LSM14A: variants seen among roughly 807,000 people sequenced by gnomAD.
The protein encoded by LSM14A is protein LSM14 homolog A.
LSM14A carries 14 observed loss-of-function variants against 52.4 expected under a neutral mutation model. That is an observed-to-expected ratio of 0.27 (90% CI 0.18 to 0.42). The LOEUF is 0.42. LSM14A is among the 10% of genes least tolerant of loss of function. The pLI, the probability that LSM14A is intolerant of heterozygous loss-of-function variation, is 1.00. For synonymous variants in LSM14A, 185 were observed against 200.3 expected (o/e 0.92, Z 0.64); for missense variants, 417 against 581.8 (o/e 0.72, Z 2.91).
intron 2 of LSM14A, among the ~76,000 whole-genome samples, chr19:34,196,430 A>G (rs188709440): frequency 3.9e-5 from 6 of 152,226 alleles, no homozygotes; most frequent in Non-Finnish European, 8.8e-5. Flanking sequence ...TGTAAGTCAC[A>G]TTGAGTATAA....
chr19:34,192,316 G>GTTGTTTTTTTTTTT (rs2070446511), intron 1 of LSM14A, among the ~76,000 whole-genome samples: 4 of 65,820 alleles, frequency 6.1e-5, no homozygotes, highest in African/African-American at 1.7e-4. Context: ...CATTCTTTTT[G>GTTGTTTTTTTTTTT]TTGTTTTTTT....
chr19:34,190,536 C>T (rs1407176846), intron 1 of LSM14A, among the ~76,000 whole-genome samples: 1 of 148,462 alleles, frequency 6.7e-6, no homozygotes, highest in African/African-American at 2.5e-5. Context: ...TATCAACTAG[C>T]CAAAAAAAAA....
intron 1 of LSM14A, among the ~76,000 whole-genome samples, chr19:34,188,788 G>GT (rs1746153215): frequency 6.6e-6 from 1 of 151,422 alleles, no homozygotes; most frequent in Non-Finnish European, 1.5e-5. Context: ...CAGCATTGTG[G>GT]TTTTTTTATG....
chr19:34,215,097 GT>G (rs1261292777), intron 4 of LSM14A, 26 bp from the exon 5 acceptor site: 1 of 1,580,214 alleles, frequency 6.3e-7, no homozygotes, highest in South Asian at 1.2e-5. Context: ...CAATAGGGTA[GT>G]TTGTTATCTT....
chr19:34,209,242 A>C (rs564834248), intron 4 of LSM14A, among the ~76,000 whole-genome samples, 191 bp downstream of exon 4: 1 of 152,336 alleles, frequency 6.6e-6, no homozygotes, highest in South Asian at 2.1e-4. Context: ...TAGACTTATT[A>C]CAGTTCTTAG....
intron 1 of LSM14A, among the ~76,000 whole-genome samples, chr19:34,192,319 G>GGTT (rs2070450450): frequency 1.9e-5 from 1 of 53,410 alleles, no homozygotes; most frequent in African/African-American, 8.1e-5. Context: ...TCTTTTTGTT[G>GGTT]TTTTTTTTTT....
chr19:34,221,081 C>CT (rs34608536), intron 8 of LSM14A, among the ~76,000 whole-genome samples: 12,814 of 124,808 alleles, frequency 0.1, 968 homozygotes, highest in Non-Finnish European at 0.16. Flanking sequence ...AGATAAGATG[C>CT]TTTTTTTTTT....
At chr19:34,205,612 T>G (rs1484975084) in intron 3 of LSM14A, among the ~76,000 whole-genome samples, 1 of 151,678 alleles carries the variant, frequency 6.6e-6, no homozygotes, top group African/African-American at 2.4e-5. Flanking sequence ...AGCCCAGCAG[T>G]TCAAGGTTGC....
At chr19:34,184,054 G>A (rs111633084) in intron 1 of LSM14A, among the ~76,000 whole-genome samples, 3,144 of 131,410 alleles carry the variant, frequency 0.024, 56 homozygotes, top group Admixed American at 0.043. Flanking sequence ...ACTTTCCTTT[G>A]CTTTTTTTTT....
chr19:34,201,546 T>G (rs2071290001), intron 3 of LSM14A, among the ~76,000 whole-genome samples: 1 of 152,174 alleles, frequency 6.6e-6, no homozygotes. Flanking sequence ...TTTCACCATG[T>G]TGGTCAGGCT....
intron 9 of LSM14A, among the ~76,000 whole-genome samples, chr19:34,222,224 G>C (rs2073105876): frequency 6.6e-6 from 1 of 152,212 alleles, no homozygotes; most frequent in Non-Finnish European, 1.5e-5. Context: ...AGTAAGTGAT[G>C]GTGCTGGGTG....
chr19:34,194,776 T>C, intron 2 of LSM14A, 135 bp downstream of exon 2: 1 of 784,534 alleles, frequency 1.3e-6, no homozygotes. Context: ...TACTGGATAA[T>C]GTTCTCATCT....
chr19:34,213,794 T>A (rs2072348346), intron 4 of LSM14A, among the ~76,000 whole-genome samples: 1 of 152,122 alleles, frequency 6.6e-6, no homozygotes, highest in African/African-American at 2.4e-5. Flanking sequence ...TATATTTGTA[T>A]TTTTTGAGAC....
chr19:34,219,972 A>G, intron 8 of LSM14A, 95 bp downstream of exon 8: 1 of 908,250 alleles, frequency 1.1e-6, no homozygotes, highest in Non-Finnish European at 1.7e-6. Flanking sequence ...TACTACCATA[A>G]TTGTTTTGTT....
chr19:34,215,643 G>C lies in LSM14A; in HGVS notation c.763G>C (p.Asp255His). 6.2e-7 allele frequency: 1 copy of C among 1,612,624 alleles called. No homozygotes were observed. The highest frequency in any genetic ancestry group is 8.5e-7 in the Non-Finnish European group (1 of 1,178,772). ...GCCAGAAAATGAGCAACTCAGAAAT[G>C]ATAACAAGAGACAAGTAGGTAAGTT... The part of the protein sequence containing the change: ...SRPENEQLRN[D>H]NKRQVAPGAP... The change falls in exon 6 of 10, where the codon GAT becomes CAT. Residue 255 changes from aspartate (D) to histidine (H), a missense_variant. This residue lies in a region of LSM14A where 357 missense variants were observed against 457.0 expected (regional missense o/e 0.78). Coordinates refer to ENST00000544216, the MANE Select transcript of LSM14A (RefSeq NM_015578.4).
rs772144929 is a variant in LSM14A at position 34,191,642 on chromosome 19, C to T, written c.122-2836C>T. Among the ~76,000 whole-genome samples, 40 of 152,122 alleles carry T rather than the reference C, an allele frequency of 2.6e-4. 1 individual carries two copies. Among genetic ancestry groups the T allele is most frequent in the Non-Finnish European group, 5.0e-4 (34 of 68,008 alleles). On this transcript the variant is annotated intron_variant, in intron 1 of 9. Transcript: ENST00000544216. ...CTTGCCAAAACGTGAAATGCAGATT[C>T]TCTTTTTACTTGACTCTGAATTCAC...
At chr19:34,173,699 C>T (rs551111010) in intron 1 of LSM14A, among the ~76,000 whole-genome samples, 20 of 152,316 alleles carry the variant, frequency 1.3e-4, no homozygotes, top group African/African-American at 4.6e-4. Context: ...TAAAGGAAAT[C>T]TCACAACAGT....
At chr19:34,207,151 A>G (rs1249531595) in intron 3 of LSM14A, among the ~76,000 whole-genome samples, 1 of 152,232 alleles carries the variant, frequency 6.6e-6, no homozygotes, top group Non-Finnish European at 1.5e-5. Context: ...AATTGGTAGT[A>G]GAATTGGAGT....
chr19:34,225,143 T>G (rs150772162), intron 9 of LSM14A, among the ~76,000 whole-genome samples: 51 of 152,338 alleles, frequency 3.3e-4, no homozygotes, highest in African/African-American at 1.1e-3. Context: ...AACACTCAGC[T>G]CAACATGGAG....
Sources: gnomAD v4.1 joint callset for allele counts (sites outside exome capture counted in the v4.1 genomes callset) on GRCh38, gnomAD v4.1.1 for gene constraint, gnomAD v4.1.1 regional missense constraint, MANE v1.5 for transcripts, NCBI Gene and HGNC (gene_info 2026-07-23, HGNC 2026-07-21) for gene names.